Variants in DOCK1 observed in about 807,000 individuals in gnomAD.
The protein encoded by DOCK1 is dedicator of cytokinesis protein 1.
DOCK1 carries 138 observed loss-of-function variants against 262.7 expected under a neutral mutation model. The ratio of observed to expected loss-of-function variants is 0.53; its 90% CI spans 0.46 to 0.61. The LOEUF (loss-of-function observed/expected upper bound fraction) is 0.61. DOCK1 is among the 20% of genes least tolerant of loss of function. DOCK1 has a pLI of 0.00. For synonymous variants in DOCK1, 866 were observed against 867.4 expected (o/e 1.00, Z 0.03); for missense variants, 1,908 against 2,370.7 (o/e 0.80, Z 4.05).
chr10:127,374,059 CT>C lies in DOCK1; in HGVS notation c.3522del (p.Leu1175TrpfsTer18), dbSNP rs1565037130. ...AAGGTGTGTATAATTATTTTTCAGC[CT>C]TCTGGAACACTGCAGGAAGCACAAA... The part of the protein sequence containing the change: ...EQYKVLFDKI[L>X]LEHCRKHKYL... On this transcript the variant is annotated frameshift_variant and splice_region_variant, in exon 35 of 52. Transcript: ENST00000623213. LOFTEE classifies it high-confidence loss of function. 1 of 1,606,666 alleles carries C rather than the reference CT, an allele frequency of 6.2e-7. No homozygotes were observed. The highest frequency in any genetic ancestry group is 1.7e-5 in the Admixed American group (1 of 58,566).
intron 1 of DOCK1, among the ~76,000 whole-genome samples, chr10:126,911,013 A>G (rs117452314): frequency 4.7e-4 from 72 of 152,328 alleles, no homozygotes; most frequent in South Asian, 1.0e-3. Flanking sequence ...CAACAAGCAC[A>G]TACAGGTTTT....
chr10:127,029,933 T>C (rs1591737665), intron 16 of DOCK1, among the ~76,000 whole-genome samples: 1 of 152,180 alleles, frequency 6.6e-6, no homozygotes. Flanking sequence ...CATTTGAACA[T>C]TGAAATATTT....
At chr10:127,145,923 AG>A in intron 27 of DOCK1, 1 of 495,294 alleles carries the variant, frequency 2.0e-6, no homozygotes, top group South Asian at 1.5e-5. Context: ...TTCCTGCAGG[AG>A]GTCCCTTCTC....
intron 29 of DOCK1, among the ~76,000 whole-genome samples, chr10:127,338,396 TA>T (rs1401972795): frequency 6.6e-6 from 1 of 152,250 alleles, no homozygotes. Flanking sequence ...AATTATACTT[TA>T]TCAATGAATC....
chr10:127,196,222 C>T (rs2057133355), intron 27 of DOCK1: 1 of 149,322 alleles, frequency 6.7e-6, no homozygotes, highest in African/African-American at 2.4e-5. Context: ...CTGGCCCGGC[C>T]GGCCCCCGCG....
intron 23 of DOCK1, among the ~76,000 whole-genome samples, chr10:127,091,086 A>G (rs1008793618): frequency 2.0e-5 from 3 of 149,214 alleles, no homozygotes; most frequent in African/African-American, 5.0e-5. Context: ...GGTTCACACC[A>G]TTCTCCTGCC....
chr10:126,932,070 G>A (rs1329824900), intron 1 of DOCK1, among the ~76,000 whole-genome samples: 2 of 152,194 alleles, frequency 1.3e-5, no homozygotes, highest in Non-Finnish European at 2.9e-5. Context: ...CGTATTGGAT[G>A]TGTGGATTCT....
At chr10:126,917,667 G>A (rs938446478) in intron 1 of DOCK1, among the ~76,000 whole-genome samples, 2 of 152,178 alleles carry the variant, frequency 1.3e-5, no homozygotes, top group African/African-American at 4.8e-5. Context: ...TTATCCCTTT[G>A]TTCCACCCCG....
intron 27 of DOCK1, among the ~76,000 whole-genome samples, chr10:127,222,691 G>A (rs984891682): frequency 2.7e-4 from 41 of 151,468 alleles, no homozygotes; most frequent in African/African-American, 9.2e-4. Context: ...GTGGAGACAG[G>A]ATCTTGCTCT....
intron 29 of DOCK1, among the ~76,000 whole-genome samples, chr10:127,269,263 C>A (rs1339520548): frequency 6.6e-6 from 1 of 152,080 alleles, no homozygotes; most frequent in African/African-American, 2.4e-5. Flanking sequence ...TGTCTGTGAC[C>A]CCCTCCATTT....
Position 127,418,445 on chromosome 10 carries a change from C to T in DOCK1, c.4596C>T (p.His1532=). 1 of 1,614,044 alleles carries T rather than the reference C, an allele frequency of 6.2e-7. No individual in the cohort carries two copies. Among genetic ancestry groups the T allele is most frequent in the Non-Finnish European group, 8.5e-7 (1 of 1,180,000 alleles). Residue 1532 remains histidine, a synonymous_variant, in exon 45 of 52, where the codon CAC becomes CAT. Coordinates refer to ENST00000623213, the MANE Select transcript of DOCK1 (RefSeq NM_001290223.2). The part of the protein sequence containing the change: ...NDKINSMVQQ[H]LDDPSLPINP... ...AGATCAACAGCATGGTGCAGCAGCA[C>T]CTGGATGACCCCAGCCTGCCCATCA...
intron 29 of DOCK1, among the ~76,000 whole-genome samples, chr10:127,331,286 T>TTTTTG (rs1467330694): frequency 1.3e-3 from 201 of 152,020 alleles, no homozygotes; most frequent in Non-Finnish European, 1.1e-3. Flanking sequence ...TTTGTTTTTT[T>TTTTTG]TTGTTGTTGT....
chr10:127,109,554 C>T (rs1287491656), intron 24 of DOCK1, among the ~76,000 whole-genome samples: 1 of 152,068 alleles, frequency 6.6e-6, no homozygotes. Flanking sequence ...CCTTCCTAGC[C>T]CAGGTAACCC....
At chr10:127,376,104 G>C (rs1207907117) in intron 35 of DOCK1, among the ~76,000 whole-genome samples, 3 of 152,006 alleles carry the variant, frequency 2.0e-5, no homozygotes, top group Non-Finnish European at 2.9e-5. Flanking sequence ...ACCAGACTCT[G>C]ATACGGCAGA....
intron 27 of DOCK1, among the ~76,000 whole-genome samples, chr10:127,145,627 T>C (rs867694008): frequency 6.6e-6 from 1 of 152,172 alleles, no homozygotes; most frequent in Non-Finnish European, 1.5e-5. Flanking sequence ...CTTGCCTGCC[T>C]GTCTCCTTTT....
intron 29 of DOCK1, among the ~76,000 whole-genome samples, chr10:127,336,255 C>A (rs1590535135): frequency 1.3e-5 from 2 of 152,148 alleles, no homozygotes; most frequent in East Asian, 3.9e-4. Context: ...ATCATTTATG[C>A]ATGTCCTGGA....
At chr10:126,988,758 T>G (rs777768126) in intron 5 of DOCK1, among the ~76,000 whole-genome samples, 25 of 152,180 alleles carry the variant, frequency 1.6e-4, no homozygotes, top group Non-Finnish European at 1.9e-4. Flanking sequence ...CAAAGAAAGC[T>G]AACCCCCAAA....
chr10:127,080,839 A>G (rs903324595), intron 23 of DOCK1, among the ~76,000 whole-genome samples: 1 of 152,166 alleles, frequency 6.6e-6, no homozygotes, highest in African/African-American at 2.4e-5. Flanking sequence ...GCGAGGGCCG[A>G]GTTAGCCACC....
intron 29 of DOCK1, among the ~76,000 whole-genome samples, chr10:127,324,764 G>T (rs1315319224): frequency 2.0e-5 from 3 of 152,166 alleles, no homozygotes; most frequent in African/African-American, 7.2e-5. Flanking sequence ...AAATAGTTTT[G>T]CACAATCAGT....
Sources: allele counts gnomAD v4.1 joint callset (sites outside exome capture counted in the v4.1 genomes callset), GRCh38; gene constraint gnomAD v4.1.1; transcripts MANE v1.5; gene names NCBI Gene and HGNC (gene_info 2026-07-23, HGNC 2026-07-21).